The following ERCC6L2 variants were observed in gnomAD, a reference collection of about 807,000 sequenced individuals.
The protein encoded by ERCC6L2 is DNA excision repair protein ERCC-6-like 2.
A neutral mutation model predicts 132.0 loss-of-function variants in ERCC6L2; 77 were observed. That is an observed-to-expected ratio of 0.58 (90% CI 0.49 to 0.71). The LOEUF (loss-of-function observed/expected upper bound fraction) is 0.71. Ranked by LOEUF, ERCC6L2 falls within the 30% of genes least tolerant of loss-of-function variation. ERCC6L2 has a pLI of 0.00. For synonymous variants in ERCC6L2, 583 were observed against 632.4 expected, an observed-to-expected ratio of 0.92 and a Z score of 1.17; for missense variants, 1,542 against 1,837.6, an observed-to-expected ratio of 0.84 and a Z score of 2.94.
intron 13 of ERCC6L2, among the ~76,000 whole-genome samples, chr9:95,965,147 G>A (rs1390583667): frequency 6.6e-6 from 1 of 152,084 alleles, no homozygotes; most frequent in African/African-American, 2.4e-5. Flanking sequence ...TGAAGGTCCC[G>A]AGGGTTTTTT....
chr9:95,913,867 A>G (rs905027315), intron 4 of ERCC6L2, among the ~76,000 whole-genome samples: 17 of 152,340 alleles, frequency 1.1e-4, no homozygotes, highest in African/African-American at 3.8e-4. Flanking sequence ...GAATGGTACT[A>G]TTATACAGCT....
chr9:95,907,857 C>CAAACACACACACACACACACA, intron 4 of ERCC6L2, among the ~76,000 whole-genome samples: 1,424 of 133,788 alleles, frequency 0.011, 18 homozygotes, highest in African/African-American at 0.02. Context: ...ACACACACAC[C>CAAACACACACACACACACACA]CCCACACCCA....
chr9:95,884,856 G>A (rs997107660), intron 2 of ERCC6L2, among the ~76,000 whole-genome samples: 7 of 152,186 alleles, frequency 4.6e-5, no homozygotes, highest in Admixed American at 3.9e-4. Flanking sequence ...TGACCTAGTA[G>A]TAGGTGAAGA....
intron 17 of ERCC6L2, among the ~76,000 whole-genome samples, chr9:96,000,070 G>A (rs1293447122): frequency 1.3e-5 from 2 of 151,924 alleles, no homozygotes; most frequent in African/African-American, 4.8e-5. Flanking sequence ...TTTATTTTTA[G>A]TAGAGATGAG....
chr9:95,951,759 C>A (rs375805700), intron 12 of ERCC6L2, among the ~76,000 whole-genome samples: 1 of 148,468 alleles, frequency 6.7e-6, no homozygotes, highest in Non-Finnish European at 1.5e-5. Flanking sequence ...GACATAGAAA[C>A]CTGAATATAA....
At chr9:95,956,773 A>C (rs949123431) in intron 13 of ERCC6L2, among the ~76,000 whole-genome samples, 6 of 152,170 alleles carry the variant, frequency 3.9e-5, no homozygotes, top group African/African-American at 1.4e-4. Context: ...TCAGTTACCC[A>C]CTGGATCCCT....
At chr9:96,006,556 G>C (rs528826679) in intron 18 of ERCC6L2, among the ~76,000 whole-genome samples, 1 of 152,258 alleles carries the variant, frequency 6.6e-6, no homozygotes, top group Non-Finnish European at 1.5e-5. Context: ...GCAGCAGCTG[G>C]AGGGCATTGT....
At chr9:96,024,764 G>A (rs991116947) in intron 19 of ERCC6L2, among the ~76,000 whole-genome samples, 1 of 152,106 alleles carries the variant, frequency 6.6e-6, no homozygotes, top group Non-Finnish European at 1.5e-5. Context: ...TTCCCGTTGG[G>A]TTATCCTTGG....
At chr9:95,993,173 C>T (rs1833358916) in intron 17 of ERCC6L2, among the ~76,000 whole-genome samples, 1 of 152,122 alleles carries the variant, frequency 6.6e-6, no homozygotes, top group African/African-American at 2.4e-5. Flanking sequence ...CTTTCATTAT[C>T]CCCAAGATGA....
intron 12 of ERCC6L2, among the ~76,000 whole-genome samples, chr9:95,945,285 T>G (rs1234752863): frequency 6.6e-6 from 1 of 152,262 alleles, no homozygotes; most frequent in Non-Finnish European, 1.5e-5. Context: ...AATATGGCTC[T>G]GTTCCACCCG....
At chr9:96,022,163 C>T (rs1016450043), downstream of ERCC6L2, among the ~76,000 whole-genome samples, 9 of 152,260 alleles carry the variant, frequency 5.9e-5, no homozygotes, top group African/African-American at 2.2e-4. Context: ...CTGTCCCGCC[C>T]TTCCAGCTCC....
chr9:95,989,856 T>C (rs964633940), intron 17 of ERCC6L2, among the ~76,000 whole-genome samples: 1 of 152,218 alleles, frequency 6.6e-6, no homozygotes, highest in Non-Finnish European at 1.5e-5. Context: ...GAAAAGAGTA[T>C]GCAAGGGAAG....
chr9:95,969,925 C>T (rs1190012608), intron 14 of ERCC6L2, among the ~76,000 whole-genome samples: 2 of 152,096 alleles, frequency 1.3e-5, no homozygotes, highest in Admixed American at 1.3e-4. Context: ...AATTGATTTC[C>T]TTTTGAGGAG....
rs1832493390 is a variant in ERCC6L2, at chr9:95,972,982, C to G, written c.3231C>G (p.Ser1077Arg). 1 of 1,343,836 alleles carries G rather than the reference C, an allele frequency of 7.4e-7. No individual in the cohort carries two copies. The highest frequency in any genetic ancestry group is 9.9e-7 in the Non-Finnish European group (1 of 1,009,540). 83.2% of individuals were successfully genotyped at this position (1,343,836 alleles called of 1,614,324 possible). A position where few individuals can be genotyped will look rare whatever the true frequency, so the allele number is the denominator to read the frequency against. ...DRTSFSSKLP[S>R]HNKKNSTFIP... ...CTAGTTTTTCTTCAAAATTGCCTAGCCATAATAAGAAAAATAGCACTTTTA... is the reference window on the plus strand; with the variant it reads ...CTAGTTTTTCTTCAAAATTGCCTAGGCATAATAAGAAAAATAGCACTTTTA... The change falls in exon 16 of 19, where the codon AGC becomes AGG. Residue 1077 changes from serine (S) to arginine (R), a missense_variant. Physicochemically the swap from Ser to Arg is moderately radical, Grantham distance 110 (BLOSUM62 -1). Transcript: ENST00000653738.
chr9:95,901,491 C>T (rs931203868), intron 3 of ERCC6L2, among the ~76,000 whole-genome samples: 1 of 152,030 alleles, frequency 6.6e-6, no homozygotes, highest in African/African-American at 2.4e-5. Context: ...CATTATTTTT[C>T]TTGACTTAGT....
At chr9:95,953,844 A>G (rs1450624926) in intron 12 of ERCC6L2, among the ~76,000 whole-genome samples, 1 of 152,172 alleles carries the variant, frequency 6.6e-6, no homozygotes, top group Non-Finnish European at 1.5e-5. Context: ...GGAAAAAGTC[A>G]AATACATAGA....
chr9:95,979,320 C>G (rs1490895215), intron 17 of ERCC6L2, among the ~76,000 whole-genome samples: 3 of 152,026 alleles, frequency 2.0e-5, no homozygotes, highest in Non-Finnish European at 2.9e-5. Flanking sequence ...GGACAGGGGA[C>G]TGGGTTGAGG....
chr9:95,892,261 A>G (rs918989881), intron 2 of ERCC6L2, among the ~76,000 whole-genome samples: 21 of 151,994 alleles, frequency 1.4e-4, no homozygotes, highest in Admixed American at 7.9e-4. Context: ...TATGTTCTGT[A>G]ACTTATTTTA....
intron 6 of ERCC6L2, chr9:95,918,172 G>A: frequency 2.1e-6 from 1 of 472,556 alleles, no homozygotes; most frequent in South Asian, 1.6e-5. Flanking sequence ...CCTGGCTAAA[G>A]GAGCAGAGGA....
Sources: gnomAD v4.1 joint callset for allele counts (sites outside exome capture counted in the v4.1 genomes callset) on GRCh38, gnomAD v4.1.1 for gene constraint, MANE v1.5 for transcripts, NCBI Gene and HGNC (gene_info 2026-07-23, HGNC 2026-07-21) for gene names.